Variants in LINC00305 observed in about 807,000 individuals in gnomAD.
LINC00305 encodes long intergenic non-protein coding RNA 305.
intron 1 of LINC00305, among the ~76,000 whole-genome samples, chr18:64,130,693 C>A (rs752651735): frequency 4.2e-4 from 64 of 152,064 alleles, no homozygotes; most frequent in Non-Finnish European, 7.1e-4. Context: ...ACAATCTTCA[C>A]AGAAGGGTTG....
chr18:64,118,897 C>T (rs1029701175), intron 1 of LINC00305, among the ~76,000 whole-genome samples: 1 of 150,900 alleles, frequency 6.6e-6, no homozygotes, highest in Non-Finnish European at 1.5e-5. Flanking sequence ...CATAGGATTA[C>T]ACTTCATACA....
At chr18:64,082,584 T>C (rs567161086) in intron 3 of LINC00305, among the ~76,000 whole-genome samples, 1 of 152,310 alleles carries the variant, frequency 6.6e-6, no homozygotes, top group Non-Finnish European at 1.5e-5. Flanking sequence ...GAGACAGAAA[T>C]GGATTGCACA....
At position 64,121,629 on chromosome 18, in the gene LINC00305, T is replaced by C. The variant is rs796414835; in HGVS notation, n.315-22989A>G. 2.6e-5 allele frequency among the ~76,000 whole-genome samples: 4 copies of C among 152,300 alleles called. 1 individual carries two copies. The highest frequency in any genetic ancestry group is 9.6e-5 in the African/African-American group (4 of 41,574). On this transcript the variant is annotated intron_variant and non_coding_transcript_variant, in intron 1 of 3. Coordinates refer to ENST00000666468, the Ensembl canonical transcript of LINC00305. Reference sequence around the variant, plus strand: ...TAAGGTTGATTCTGTATCTTTGCTATTGTGACTAGTGCTGCAATAAACATA... The same window carrying C: ...TAAGGTTGATTCTGTATCTTTGCTACTGTGACTAGTGCTGCAATAAACATA...
intron 1 of LINC00305, among the ~76,000 whole-genome samples, chr18:64,140,030 G>T (rs572868341): frequency 6.6e-6 from 1 of 152,040 alleles, no homozygotes; most frequent in South Asian, 2.1e-4. Flanking sequence ...CTCCCACCTC[G>T]GAGACCTTGT....
chr18:64,097,444 A>G (rs1267556607), intron 3 of LINC00305, among the ~76,000 whole-genome samples: 1 of 152,184 alleles, frequency 6.6e-6, no homozygotes, highest in Non-Finnish European at 1.5e-5. Flanking sequence ...TCTTAGAAAT[A>G]CAACTTACTG....
intron 3 of LINC00305, chr18:64,080,548 T>TA: frequency 4.3e-6 from 1 of 233,410 alleles, no homozygotes. Context: ...GCAGTGATTC[T>TA]AAAAATAATT....
chr18:64,080,334 C>T (rs373371238), exon 4 of LINC00305: 57 of 457,712 alleles, frequency 1.2e-4, no homozygotes, highest in African/African-American at 7.6e-4. Flanking sequence ...TCTTTGACAA[C>T]CATGTGGCTT....
chr18:64,144,964 G>C (rs1408961782), intron 1 of LINC00305, among the ~76,000 whole-genome samples: 2 of 152,112 alleles, frequency 1.3e-5, no homozygotes, highest in African/African-American at 4.8e-5. Flanking sequence ...GGGGTCGCCT[G>C]TCCTTATGGA....
At chr18:64,084,562 T>C (rs1196486743) in intron 3 of LINC00305, among the ~76,000 whole-genome samples, 1 of 152,270 alleles carries the variant, frequency 6.6e-6, no homozygotes, top group African/African-American at 2.4e-5. Context: ...CTCCATATTA[T>C]AAAAGTCAGT....
intron 1 of LINC00305, among the ~76,000 whole-genome samples, chr18:64,128,477 C>T (rs530157695): frequency 6.6e-6 from 1 of 152,154 alleles, no homozygotes; most frequent in South Asian, 2.1e-4. Flanking sequence ...CAACTACAGT[C>T]TTGGTGGGTG....
chr18:64,138,479 T>A (rs1470946405), intron 1 of LINC00305, among the ~76,000 whole-genome samples: 1 of 152,226 alleles, frequency 6.6e-6, no homozygotes, highest in Non-Finnish European at 1.5e-5. Context: ...ACACGCTGCT[T>A]TTGCTGTGTT....
chr18:64,123,562 A>T (rs2051371482), intron 1 of LINC00305, among the ~76,000 whole-genome samples: 1 of 152,004 alleles, frequency 6.6e-6, no homozygotes, highest in Admixed American at 6.6e-5. Context: ...TACATATTCT[A>T]CATGCTTTTC....
chr18:64,125,141 G>A (rs2051379148), intron 1 of LINC00305, among the ~76,000 whole-genome samples: 1 of 152,052 alleles, frequency 6.6e-6, no homozygotes, highest in African/African-American at 2.4e-5. Flanking sequence ...ACATGAAATT[G>A]TTGCCTCCAC....
chr18:64,103,535 T>C (rs2051276429), intron 1 of LINC00305, among the ~76,000 whole-genome samples: 1 of 152,218 alleles, frequency 6.6e-6, no homozygotes, highest in Non-Finnish European at 1.5e-5. Flanking sequence ...GATTTCATAT[T>C]CTGTCCAAGG....
rs137925878 is a variant in LINC00305, at chr18:64,109,006, C to G, written n.315-10366G>C. Among the ~76,000 whole-genome samples the G allele has an allele frequency of 2.2e-3, 332 of 152,284 alleles. 1 individual carries two copies. The highest frequency in any genetic ancestry group is 0.01 in the Middle Eastern group (3 of 294). ...GGAGAAAGCTCTGCCTAAAGCTCATCTAGAATATGTTGCATCACATCAATC... is the reference window on the plus strand; with the variant it reads ...GGAGAAAGCTCTGCCTAAAGCTCATGTAGAATATGTTGCATCACATCAATC... On this transcript the variant is annotated intron_variant and non_coding_transcript_variant, in intron 1 of 3. Coordinates refer to ENST00000666468, the Ensembl canonical transcript of LINC00305.
At chr18:64,119,908 TTAGA>T (rs1490359128) in intron 1 of LINC00305, among the ~76,000 whole-genome samples, 2 of 152,108 alleles carry the variant, frequency 1.3e-5, no homozygotes, top group South Asian at 2.1e-4. Flanking sequence ...ATGCAGTCTG[TTAGA>T]TAGATATTAA....
At chr18:64,144,129 C>A (rs1031079809) in intron 1 of LINC00305, among the ~76,000 whole-genome samples, 5 of 152,074 alleles carry the variant, frequency 3.3e-5, no homozygotes, top group East Asian at 3.9e-4. Context: ...AAGAAACTGG[C>A]CTTCTATTAA....
intron 3 of LINC00305, among the ~76,000 whole-genome samples, chr18:64,083,984 A>G (rs1191638138): frequency 1.3e-5 from 2 of 152,124 alleles, no homozygotes. Flanking sequence ...TCTTACCTCT[A>G]AAGAAATGGG....
rs897179182 is a variant in LINC00305 at position 64,105,882 on chromosome 18, A to T, written n.315-7242T>A. Among the ~76,000 whole-genome samples the T allele has an allele frequency of 1.3e-4, 20 of 152,236 alleles. 1 individual carries two copies. Among genetic ancestry groups the T allele is most frequent in the Admixed American group, 6.5e-5 (1 of 15,292 alleles). On this transcript the variant is annotated intron_variant and non_coding_transcript_variant, in intron 1 of 3. Coordinates refer to ENST00000666468, the Ensembl canonical transcript of LINC00305. ...AGTTACTTTTACATCAACCAAATTA[A>T]GGAGAAATAGCAGTTATGAGTGAAA...
Sources: gnomAD v4.1 joint callset for allele counts (sites outside exome capture counted in the v4.1 genomes callset) on GRCh38, gnomAD v4.1.1 for gene constraint, MANE v1.5 for transcripts, NCBI Gene and HGNC (gene_info 2026-07-23, HGNC 2026-07-21) for gene names.